The following ERC2 variants were observed in gnomAD, a reference collection of about 807,000 sequenced individuals.
ERC2 encodes the protein ELKS/RAB6-interacting/CAST family member 2.
Under a neutral mutation model 114.8 loss-of-function variants are expected in ERC2, and 42 were observed. The ratio of observed to expected loss-of-function variants is 0.37; its 90% confidence interval spans 0.29 to 0.47. The LOEUF (loss-of-function observed/expected upper bound fraction) is 0.47. Ranked by LOEUF, ERC2 falls within the 20% of genes least tolerant of loss-of-function variation. The pLI, the probability that ERC2 is intolerant of heterozygous loss-of-function variation, is 0.99. For missense variants in ERC2, 939 were observed against 1,150.7 expected (o/e 0.82, Z 2.66); for synonymous variants, 454 against 425.5 (o/e 1.07, Z -0.82).
chr3:56,093,423 C>A (rs1054528168), intron 6 of ERC2, among the ~76,000 whole-genome samples: 11 of 152,110 alleles, frequency 7.2e-5, no homozygotes, highest in Non-Finnish European at 1.5e-4. Flanking sequence ...CTCCAAGTCT[C>A]AACCACAGGA....
At chr3:56,142,657 CTTAT>C (rs2080922974) in intron 5 of ERC2, among the ~76,000 whole-genome samples, 1 of 152,022 alleles carries the variant, frequency 6.6e-6, no homozygotes, top group Non-Finnish European at 1.5e-5. Context: ...TTTTCAATCT[CTTAT>C]TTAGACATAT....
intron 12 of ERC2, among the ~76,000 whole-genome samples, chr3:55,974,140 T>C (rs911657155): frequency 6.6e-6 from 1 of 152,004 alleles, no homozygotes; most frequent in South Asian, 2.1e-4. Flanking sequence ...AGTTTAAAAG[T>C]TTAAGGAAAA....
chr3:56,407,521 T>C (rs1305316411), intron 2 of ERC2, among the ~76,000 whole-genome samples: 1 of 152,218 alleles, frequency 6.6e-6, no homozygotes, highest in African/African-American at 2.4e-5. Context: ...CCTATTCTTT[T>C]GACCAACTTT....
chr3:56,318,233 G>A (rs1011115627), intron 2 of ERC2, among the ~76,000 whole-genome samples: 39 of 152,216 alleles, frequency 2.6e-4, no homozygotes, highest in Middle Eastern at 3.4e-3. Context: ...GTCACCCAGG[G>A]TGAAGTGCAG....
At chr3:56,344,148 T>C (rs1193841927) in intron 2 of ERC2, among the ~76,000 whole-genome samples, 1 of 152,202 alleles carries the variant, frequency 6.6e-6, no homozygotes, top group Non-Finnish European at 1.5e-5. Flanking sequence ...AGGATTTCAT[T>C]TGCTCACATC....
intron 17 of ERC2, among the ~76,000 whole-genome samples, chr3:55,635,385 A>AT (rs369794497): frequency 6.0e-5 from 9 of 150,248 alleles, no homozygotes; most frequent in Non-Finnish European, 1.0e-4. Context: ...TTTTCAGATG[A>AT]TTTTTTTTCT....
chr3:56,181,628 T>C (rs940130482), intron 3 of ERC2, among the ~76,000 whole-genome samples: 1 of 152,238 alleles, frequency 6.6e-6, no homozygotes, highest in African/African-American at 2.4e-5. Flanking sequence ...ACATTCTCTT[T>C]ATAAAGTGAA....
At chr3:56,324,464 T>C (rs571945801) in intron 2 of ERC2, among the ~76,000 whole-genome samples, 74 of 152,308 alleles carry the variant, frequency 4.9e-4, no homozygotes, top group African/African-American at 1.8e-3. Context: ...GCATAGCCTA[T>C]CTCAAACGTG....
At chr3:55,769,634 T>G (rs1000682332) in intron 14 of ERC2, among the ~76,000 whole-genome samples, 7 of 152,174 alleles carry the variant, frequency 4.6e-5, no homozygotes, top group Non-Finnish European at 1.0e-4. Flanking sequence ...ATAAAAAAAG[T>G]TGAATATCAG....
chr3:56,217,101 A>C (rs2049537436), intron 3 of ERC2, among the ~76,000 whole-genome samples: 1 of 152,082 alleles, frequency 6.6e-6, no homozygotes, highest in Non-Finnish European at 1.5e-5. Flanking sequence ...ATGCCCTCTC[A>C]CCACTCCTAT....
At chr3:55,861,545 A>G (rs2062027620) in intron 14 of ERC2, among the ~76,000 whole-genome samples, 1 of 152,230 alleles carries the variant, frequency 6.6e-6, no homozygotes, top group Admixed American at 6.5e-5. Flanking sequence ...AGCCCATGAT[A>G]TAGGGACCTG....
chr3:55,815,963 G>T (rs1305385769), intron 14 of ERC2, among the ~76,000 whole-genome samples: 1 of 152,218 alleles, frequency 6.6e-6, no homozygotes, highest in African/African-American at 2.4e-5. Context: ...TCTTCTTAGA[G>T]GGTAGGCAGC....
chr3:56,053,777 T>C (rs1322389139), intron 7 of ERC2, among the ~76,000 whole-genome samples: 1 of 152,094 alleles, frequency 6.6e-6, no homozygotes, highest in Non-Finnish European at 1.5e-5. Context: ...TAAGGTGGCA[T>C]CATTAAGAAG....
At chr3:56,330,501 C>T (rs2057561553) in intron 2 of ERC2, among the ~76,000 whole-genome samples, 1 of 152,180 alleles carries the variant, frequency 6.6e-6, no homozygotes, top group Non-Finnish European at 1.5e-5. Context: ...GAGCAATTTT[C>T]ACTAACCCAC....
At chr3:56,370,947 T>C (rs1030498993) in intron 2 of ERC2, among the ~76,000 whole-genome samples, 1 of 152,200 alleles carries the variant, frequency 6.6e-6, no homozygotes, top group African/African-American at 2.4e-5. Context: ...TTCTCATTTT[T>C]GCCACAGTGG....
chr3:56,226,317 C>T (rs565094177), intron 3 of ERC2, among the ~76,000 whole-genome samples: 1 of 152,254 alleles, frequency 6.6e-6, no homozygotes, highest in East Asian at 1.9e-4. Flanking sequence ...CCATCATCTC[C>T]CCAGCACCTA....
intron 3 of ERC2, among the ~76,000 whole-genome samples, chr3:56,284,528 C>T (rs34270989): frequency 0.35 from 52,536 of 151,956 alleles, 9,961 homozygotes; most frequent in Middle Eastern, 0.45. Flanking sequence ...AAAATTATTC[C>T]GAAGTTTGGT....
At chr3:56,128,118 G>T (rs961117754) in intron 6 of ERC2, among the ~76,000 whole-genome samples, 10 of 151,968 alleles carry the variant, frequency 6.6e-5, no homozygotes, top group Non-Finnish European at 1.5e-5. Flanking sequence ...ATTTGTAAGT[G>T]AATAGTGCTC....
chr3:56,315,520 C>G (rs2056822750), intron 2 of ERC2, among the ~76,000 whole-genome samples: 1 of 152,076 alleles, frequency 6.6e-6, no homozygotes, highest in South Asian at 2.1e-4. Context: ...GGCCTATTAG[C>G]AACAACAAAA....
Sources: allele counts gnomAD v4.1 joint callset (sites outside exome capture counted in the v4.1 genomes callset), GRCh38; gene constraint gnomAD v4.1.1; transcripts MANE v1.5; gene names NCBI Gene and HGNC (gene_info 2026-07-23, HGNC 2026-07-21).